UBE2V2: variants seen among roughly 807,000 people sequenced by gnomAD.
UBE2V2 encodes the protein ubiquitin-conjugating enzyme E2 variant 2.
In UBE2V2, 9 loss-of-function variants were observed where a neutral mutation model predicts 17.2. The observed-to-expected ratio is 0.52, with a 90% CI of 0.32 to 0.91. The LOEUF (loss-of-function observed/expected upper bound fraction) is 0.91, where lower values mean the gene tolerates loss of function less well. UBE2V2 is among the 40% of genes least tolerant of loss of function. The pLI is 0.04. For synonymous variants in UBE2V2, 61 were observed against 57.5 expected, an observed-to-expected ratio of 1.06 and a Z score of -0.28; for missense variants, 133 against 182.6, an observed-to-expected ratio of 0.73 and a Z score of 1.56.
chr8:48,030,899 G>A (rs143703674), intron 1 of UBE2V2, among the ~76,000 whole-genome samples: 141 of 152,248 alleles, frequency 9.3e-4, no homozygotes, highest in African/African-American at 3.3e-3. Context: ...GTACATGCCT[G>A]TAGTCCCAGC....
intron 2 of UBE2V2, among the ~76,000 whole-genome samples, chr8:48,046,208 C>T (rs991369844): frequency 6.6e-6 from 1 of 152,152 alleles, no homozygotes; most frequent in Non-Finnish European, 1.5e-5. Flanking sequence ...CAAGCTCTGC[C>T]TCCCGCGTTC....
upstream of UBE2V2, among the ~76,000 whole-genome samples, chr8:48,003,878 G>C (rs1021233777): frequency 2.6e-5 from 4 of 152,196 alleles, no homozygotes; most frequent in African/African-American, 9.7e-5. Context: ...AGTGGCAATA[G>C]TGCACCTGAG....
In UBE2V2 at chr8:48,063,531, T is replaced by C. The variant is rs1353177968; in HGVS notation, c.*2703T>C. ...AGGATGATCATATACTAATAAAGAT[T>C]ACCAAAAGAAACTTCTTGTCCTGTT... On this transcript the variant is annotated 3_prime_UTR_variant, in exon 4 of 4. Coordinates refer to ENST00000523111, the MANE Select transcript of UBE2V2 (RefSeq NM_003350.3). The C allele has an allele frequency of 1.3e-5, 2 of 152,220 alleles. No homozygotes were observed. The highest frequency in any genetic ancestry group is 1.5e-5 in the Non-Finnish European group (1 of 68,036). The allele number at this position is 152,220 out of a possible 1,614,324, so 9.4% of individuals were successfully genotyped here. A position where few individuals can be genotyped will look rare whatever the true frequency, so the allele number is the denominator to read the frequency against.
chr8:48,046,938 C>A (rs1338626540), intron 2 of UBE2V2, among the ~76,000 whole-genome samples: 3 of 151,084 alleles, frequency 2.0e-5, no homozygotes, highest in East Asian at 2.0e-4. Context: ...TGACTAAGGT[C>A]CCTCTTTTTT....
intron 1 of UBE2V2, among the ~76,000 whole-genome samples, chr8:48,033,127 TC>T (rs1254626120): frequency 5.3e-5 from 8 of 152,256 alleles, no homozygotes; most frequent in Non-Finnish European, 1.2e-4. Context: ...TTTCTTAGTG[TC>T]CTCAGATATT....
At position 48,054,929 on chromosome 8, in the gene UBE2V2, C is replaced by CT. The variant is rs202206861; in HGVS notation, c.291+4962dup. 2.8e-3 allele frequency among the ~76,000 whole-genome samples: 405 copies of CT among 144,330 alleles called. 3 individuals are homozygous for CT. Among genetic ancestry groups the CT allele is most frequent in the African/African-American group, 8.3e-3 (329 of 39,624 alleles). The allele number at this position is 144,330 out of a possible 152,430, so 94.7% of individuals were successfully genotyped here. ...TTTTTTTTCTTTTCCTCCAATGTTT[C>CT]TTTTTTTTTTTCTGCACCCTGTTGG... is the stretch of plus-strand genomic sequence containing the variant. On this transcript the variant is annotated intron_variant, in intron 3 of 3. Coordinates refer to ENST00000523111, the MANE Select transcript of UBE2V2 (RefSeq NM_003350.3).
chr8:48,031,950 T>G (rs1010291674), intron 1 of UBE2V2, among the ~76,000 whole-genome samples: 2 of 152,198 alleles, frequency 1.3e-5, no homozygotes, highest in African/African-American at 4.8e-5. Context: ...TTTTTATAAA[T>G]TACATTTTTT....
rs138655559 is a variant in UBE2V2, at chr8:48,015,775, A to G, written c.16+7305A>G. Among the ~76,000 whole-genome samples, 164 of 152,288 alleles carry G rather than the reference A, an allele frequency of 1.1e-3. 1 individual carries two copies. The East Asian group carries it at 0.03, about 28-fold the overall frequency. ...CTGTGCCTGTGTTATTTCAGTTAAC[A>G]TAATGTTCTCCAGGTTCATCCATGT... is the stretch of plus-strand genomic sequence containing the variant. On this transcript the variant is annotated intron_variant, in intron 1 of 3. Coordinates refer to ENST00000523111, the MANE Select transcript of UBE2V2 (RefSeq NM_003350.3).
rs1388078351 is a variant in UBE2V2 at position 48,061,615 on chromosome 8, T to A, written c.*787T>A. The stretch of plus-strand genomic sequence containing the variant: ...ATGTTGATGTATATGTACAGTACCT[T>A]GCCAGGGAAGCAAAAATTGGAATTA... On this transcript the variant is annotated 3_prime_UTR_variant, in exon 4 of 4. Coordinates refer to ENST00000523111, the MANE Select transcript of UBE2V2 (RefSeq NM_003350.3). 3 of 152,630 alleles carry A rather than the reference T, an allele frequency of 2.0e-5. No homozygotes were observed. The highest frequency in any genetic ancestry group is 2.9e-5 in the Non-Finnish European group (2 of 68,032). 9.5% of individuals were successfully genotyped at this position (152,630 alleles called of 1,614,324 possible).
At chr8:48,058,729 T>C (rs1410003277) in intron 3 of UBE2V2, among the ~76,000 whole-genome samples, 4 of 152,098 alleles carry the variant, frequency 2.6e-5, no homozygotes, top group Non-Finnish European at 5.9e-5. Flanking sequence ...GTAGTTTCCT[T>C]CTATTCCTAA....
At chr8:48,057,622 A>T (rs1204411641) in intron 3 of UBE2V2, among the ~76,000 whole-genome samples, 1 of 149,432 alleles carries the variant, frequency 6.7e-6, no homozygotes, top group Non-Finnish European at 1.5e-5. Context: ...TTTCTATTTA[A>T]TTTTTTTTTT....
At chr8:48,035,202 G>C (rs2154507451) in intron 1 of UBE2V2, 1 of 888,836 alleles carries the variant, frequency 1.1e-6, no homozygotes, top group Middle Eastern at 6.0e-4. Flanking sequence ...TGCTACTTCT[G>C]CCTCCCGGGT....
At chr8:48,048,563 A>T (rs1392734537) in intron 2 of UBE2V2, among the ~76,000 whole-genome samples, 3 of 152,198 alleles carry the variant, frequency 2.0e-5, no homozygotes, top group Non-Finnish European at 2.9e-5. Flanking sequence ...AGTCATTTTT[A>T]TATATTGAAA....
intron 1 of UBE2V2, among the ~76,000 whole-genome samples, chr8:48,028,996 A>G (rs560266756): frequency 6.6e-6 from 1 of 152,070 alleles, no homozygotes; most frequent in Non-Finnish European, 1.5e-5. Flanking sequence ...TTTCTACTTC[A>G]TTTAAATGCA....
upstream of UBE2V2, chr8:48,008,390 T>G: frequency 6.5e-7 from 1 of 1,546,764 alleles, no homozygotes; most frequent in Non-Finnish European, 8.7e-7. Flanking sequence ...GGCGGCGCGC[T>G]CCCGGAAGTG....
Position 48,012,028 on chromosome 8 carries a change from A to G in UBE2V2, c.16+3558A>G, listed in dbSNP as rs927367682. On this transcript the variant is annotated intron_variant, in intron 1 of 3. Transcript: ENST00000523111. ...TTGCAGATGAGAAAACTGAGGCTCA[A>G]ACAAGTAAAAGGCTATACATAGGTG... is the stretch of plus-strand genomic sequence containing the variant. Among the ~76,000 whole-genome samples the G allele has an allele frequency of 3.3e-5, 5 of 152,210 alleles. No homozygotes were observed. In the South Asian group the frequency reaches 1.0e-3, roughly 32 times the overall value.
chr8:48,040,633 T>C (rs1344412055), intron 1 of UBE2V2, among the ~76,000 whole-genome samples: 3 of 152,026 alleles, frequency 2.0e-5, no homozygotes, highest in Non-Finnish European at 4.4e-5. Context: ...GTTTTTTCTT[T>C]TTTTGTTTTG....
chr8:48,011,607 CCCTT>C (rs2091232245), intron 1 of UBE2V2, among the ~76,000 whole-genome samples: 1 of 152,192 alleles, frequency 6.6e-6, no homozygotes, highest in Non-Finnish European at 1.5e-5. Flanking sequence ...GCCCCTTTAA[CCCTT>C]CCTTCTACTG....
At chr8:48,019,927 T>C (rs2091293602) in intron 1 of UBE2V2, among the ~76,000 whole-genome samples, 1 of 152,086 alleles carries the variant, frequency 6.6e-6, no homozygotes, top group Non-Finnish European at 1.5e-5. Flanking sequence ...GCCAAGATCC[T>C]GCGACTGTAC....
Sources: gnomAD v4.1 joint callset for allele counts (sites outside exome capture counted in the v4.1 genomes callset) on GRCh38, gnomAD v4.1.1 for gene constraint, MANE v1.5 for transcripts, NCBI Gene and HGNC (gene_info 2026-07-23, HGNC 2026-07-21) for gene names.